The following VTI1A variants were observed in gnomAD, a reference collection of about 807,000 sequenced individuals.
VTI1A encodes vesicle transport through interaction with t-SNAREs homolog 1A.
A neutral mutation model predicts 34.9 loss-of-function variants in VTI1A; 22 were observed. That is an observed-to-expected ratio of 0.63 (90% CI 0.45 to 0.90). VTI1A has a LOEUF of 0.90. Ranked by LOEUF, VTI1A falls within the 40% of genes least tolerant of loss-of-function variation. The probability of loss-of-function intolerance (pLI) is 0.00; values close to 1 mark genes in which losing one functional copy is unlikely to be tolerated. For missense variants in VTI1A, 268 were observed against 275.6 expected (o/e 0.97, Z 0.20); for synonymous variants, 87 against 97.3 (o/e 0.89, Z 0.62).
chr10:112,524,753 A>G (rs1589861264), intron 3 of VTI1A, among the ~76,000 whole-genome samples: 1 of 152,302 alleles, frequency 6.6e-6, no homozygotes, highest in East Asian at 1.9e-4. Flanking sequence ...AAAGGGAAAA[A>G]CAAAAGCAAT....
chr10:112,692,913 A>G (rs1292508457), intron 7 of VTI1A, among the ~76,000 whole-genome samples: 1 of 152,216 alleles, frequency 6.6e-6, no homozygotes, highest in African/African-American at 2.4e-5. Flanking sequence ...ACGAGCTTTC[A>G]TCTCTGCCTC....
At chr10:112,796,022 T>TTA (rs1852661331) in intron 7 of VTI1A, among the ~76,000 whole-genome samples, 4 of 152,248 alleles carry the variant, frequency 2.6e-5, no homozygotes, top group Middle Eastern at 3.4e-3. Flanking sequence ...TAGACAGTCG[T>TTA]TAAGCCTTGT....
intron 7 of VTI1A, among the ~76,000 whole-genome samples, chr10:112,781,643 C>A (rs1172127858): frequency 1.3e-5 from 2 of 151,816 alleles, no homozygotes; most frequent in African/African-American, 4.8e-5. Context: ...GAGTTTGAGA[C>A]CAGCCTGGCC....
chr10:112,575,389 T>G (rs1852292433), intron 5 of VTI1A, among the ~76,000 whole-genome samples: 1 of 152,250 alleles, frequency 6.6e-6, no homozygotes, highest in Non-Finnish European at 1.5e-5. Flanking sequence ...AATGTACAAG[T>G]CAAGGTTTTC....
chr10:112,667,369 C>A (rs779638891), intron 5 of VTI1A, among the ~76,000 whole-genome samples: 13 of 152,042 alleles, frequency 8.6e-5, no homozygotes, highest in Non-Finnish European at 1.9e-4. Flanking sequence ...AGTCTGAAAA[C>A]GATTTATTCA....
At chr10:112,593,894 G>T (rs1376938807) in intron 5 of VTI1A, among the ~76,000 whole-genome samples, 3 of 112,636 alleles carry the variant, frequency 2.7e-5, no homozygotes, top group African/African-American at 1.2e-4. Flanking sequence ...CCGCCACCAC[G>T]CCCGGCTAAT....
chr10:112,575,335 A>G (rs1489194480), intron 5 of VTI1A, among the ~76,000 whole-genome samples: 2 of 152,192 alleles, frequency 1.3e-5, no homozygotes, highest in Admixed American at 6.5e-5. Context: ...ATGCAGATCT[A>G]ATTTATGGAT....
At chr10:112,501,618 T>C (rs1849237697) in intron 3 of VTI1A, among the ~76,000 whole-genome samples, 1 of 152,134 alleles carries the variant, frequency 6.6e-6, no homozygotes, top group Non-Finnish European at 1.5e-5. Context: ...TAGCTACTAA[T>C]TGGAAGTAAA....
intron 5 of VTI1A, among the ~76,000 whole-genome samples, chr10:112,620,395 A>C (rs1257735541): frequency 6.6e-6 from 1 of 152,226 alleles, no homozygotes; most frequent in Non-Finnish European, 1.5e-5. Flanking sequence ...TCTGACAGCT[A>C]CAACAGAGGT....
At position 112,453,701 on chromosome 10, in the gene VTI1A, TG is replaced by T. The variant is rs369347092; in HGVS notation, c.94+6235del. Among the ~76,000 whole-genome samples the T allele has an allele frequency of 6.3e-4, 96 of 152,302 alleles. 1 individual carries two copies. The East Asian group carries it at 0.014, about 23-fold the overall frequency. On this transcript the variant is annotated intron_variant, in intron 1 of 7. Transcript: ENST00000393077. Reference sequence around the variant, plus strand: ...TTTTTTTAAGGACTATATTGCTTTCTGATAGTATAAGATACTCCAGGATCAT... The same window carrying T: ...TTTTTTTAAGGACTATATTGCTTTCTATAGTATAAGATACTCCAGGATCAT...
chr10:112,656,387 CTTT>C (rs71489977), intron 5 of VTI1A, among the ~76,000 whole-genome samples: 1,477 of 132,980 alleles, frequency 0.011, 16 homozygotes, highest in African/African-American at 0.035. Flanking sequence ...CTTCCCAAAC[CTTT>C]TTTTTTTTTT....
intron 5 of VTI1A, among the ~76,000 whole-genome samples, chr10:112,618,508 T>TAGAG (rs1360598727): frequency 0.018 from 557 of 31,186 alleles, 5 homozygotes; most frequent in Non-Finnish European, 0.024. Flanking sequence ...TATATATATA[T>TAGAG]ATATATATAT....
intron 7 of VTI1A, among the ~76,000 whole-genome samples, chr10:112,782,379 G>A (rs371178234): frequency 2.0e-5 from 3 of 152,394 alleles, no homozygotes; most frequent in African/African-American, 4.8e-5. Context: ...GCCAGGCCCT[G>A]CGTGAAGGCC....
chr10:112,829,942 C>T, the VTI1A span, among the ~76,000 whole-genome samples: 1 of 152,002 alleles, frequency 6.6e-6, no homozygotes, highest in Non-Finnish European at 1.5e-5. Flanking sequence ...ATCCTGGACC[C>T]CTGGATCACT....
intron 5 of VTI1A, among the ~76,000 whole-genome samples, chr10:112,618,098 G>A (rs1041095234): frequency 1.3e-5 from 2 of 152,074 alleles, no homozygotes; most frequent in African/African-American, 4.8e-5. Flanking sequence ...AGGTTGCAGT[G>A]AGCTGAGATG....
chr10:112,624,623 A>G (rs1845853760), intron 5 of VTI1A, among the ~76,000 whole-genome samples: 1 of 152,194 alleles, frequency 6.6e-6, no homozygotes, highest in African/African-American at 2.4e-5. Flanking sequence ...TAAAAATCGA[A>G]GACACGTAGG....
intron 7 of VTI1A, among the ~76,000 whole-genome samples, chr10:112,809,369 G>A (rs765961314): frequency 6.6e-6 from 1 of 152,230 alleles, no homozygotes; most frequent in Non-Finnish European, 1.5e-5. Context: ...GTTTTGGGAA[G>A]TGCCTAGAGA....
At chr10:112,672,420 C>T (rs1324765300) in intron 7 of VTI1A, among the ~76,000 whole-genome samples, 1 of 152,138 alleles carries the variant, frequency 6.6e-6, no homozygotes, top group Non-Finnish European at 1.5e-5. Context: ...TGGCTGATTT[C>T]CTGGAAAGTA....
intron 5 of VTI1A, among the ~76,000 whole-genome samples, chr10:112,627,904 G>A (rs188349107): frequency 6.6e-6 from 1 of 152,080 alleles, no homozygotes; most frequent in African/African-American, 2.4e-5. Context: ...ATTCCAGGGG[G>A]TTCTACTTGA....
Sources: gnomAD v4.1 joint callset for allele counts (sites outside exome capture counted in the v4.1 genomes callset) on GRCh38, gnomAD v4.1.1 for gene constraint, MANE v1.5 for transcripts, NCBI Gene and HGNC (gene_info 2026-07-23, HGNC 2026-07-21) for gene names.